Variants in SESN1 observed in about 807,000 individuals in gnomAD.
SESN1 encodes the protein sestrin-1.
SESN1 carries 30 observed loss-of-function variants against 59.3 expected under a neutral mutation model. That is an observed-to-expected ratio of 0.51 (90% CI 0.38 to 0.69). SESN1 has a LOEUF of 0.69. Among genes scored for constraint, SESN1 ranks in the 30% least tolerant of loss-of-function variants. The pLI, the probability that SESN1 is intolerant of heterozygous loss-of-function variation, is 0.00. For synonymous variants in SESN1, 197 were observed against 219.9 expected (o/e 0.90, Z 0.92); for missense variants, 566 against 673.0 (o/e 0.84, Z 1.76).
In SESN1 at chr6:109,001,370, T is replaced by G; in HGVS notation, c.464A>C (p.Glu155Ala). ...LVMVFHPQYL[E>A]SFLKTQHYLL... ...ATAGTGCTGAGTTTTTAAGAAACTT[T>G]CTAAATATTGTGGGTGGAAAACCAT... Residue 155 changes from glutamate (E) to alanine (A), a missense_variant, in exon 3 of 10, where the codon GAA becomes GCA. Coordinates refer to ENST00000436639, the MANE Select transcript of SESN1 (RefSeq NM_014454.3). The G allele has an allele frequency of 6.2e-7, 1 of 1,613,894 alleles. No homozygotes were observed. The highest frequency in any genetic ancestry group is 1.3e-5 in the African/African-American group (1 of 75,044).
intron 1 of SESN1, among the ~76,000 whole-genome samples, chr6:109,013,910 C>G (rs978289423): frequency 1.3e-5 from 2 of 152,150 alleles, no homozygotes; most frequent in Non-Finnish European, 2.9e-5. Flanking sequence ...CATAGCTTGT[C>G]TGCTAAGCAC....
At chr6:109,065,658 G>C (rs1780812808) in intron 1 of SESN1, among the ~76,000 whole-genome samples, 1 of 151,960 alleles carries the variant, frequency 6.6e-6, no homozygotes, top group Admixed American at 6.6e-5. Context: ...CAAAAAATAA[G>C]ATAAATGTGT....
Position 108,988,579 on chromosome 6 carries a change from A to G in SESN1, c.1533T>C (p.Tyr511=), listed in dbSNP as rs766725881. The change falls in exon 9 of 10, where the codon TAT becomes TAC. Residue 511 remains tyrosine (Y), a synonymous_variant. Transcript: ENST00000436639. ...CTPEKVTKRM[Y]DSFWRQFKHS... is the part of the protein sequence containing the mutation. ...GCTTGAACTGCCTCCAGAAGCTATC[A>G]TACATTCTTTTGGTAACCTTTTCAG... 13 of 1,613,146 alleles carry G rather than the reference A, an allele frequency of 8.1e-6. No individual in the cohort carries two copies. The highest frequency in any genetic ancestry group is 1.1e-5 in the South Asian group (1 of 90,814).
chr6:109,018,185 T>C (rs1216530278), intron 1 of SESN1, among the ~76,000 whole-genome samples: 1 of 152,214 alleles, frequency 6.6e-6, no homozygotes, highest in African/African-American at 2.4e-5. Context: ...TTAGAGATAT[T>C]ATAAAATATT....
chr6:109,045,750 T>C (rs78930812), intron 1 of SESN1, among the ~76,000 whole-genome samples: 4,814 of 152,274 alleles, frequency 0.032, 251 homozygotes, highest in African/African-American at 0.11. Context: ...TGGCACTTAC[T>C]AGTATATACC....
Position 109,000,667 on chromosome 6 carries a change from C to A in SESN1, c.553G>T (p.Ala185Ser). 1 of 1,576,892 alleles carries A rather than the reference C, an allele frequency of 6.3e-7. No homozygotes were observed. Among genetic ancestry groups the A allele is most frequent in the Non-Finnish European group, 8.6e-7 (1 of 1,162,026 alleles). Reference sequence around the variant, plus strand: ...ACTAAGTAGGAGCACTGATGTCTTGCCGCAGCCTTAAAACAAAAAGATTAT... The same window carrying A: ...ACTAAGTAGGAGCACTGATGTCTTGACGCAGCCTTAAAACAAAAAGATTAT... Reference protein sequence around the residue: ...YRHYIGIMAAARHQCSYLVNL... With the variant: ...YRHYIGIMAASRHQCSYLVNL... The change falls in exon 4 of 10, where the codon GCA becomes TCA. Residue 185 changes from alanine (A) to serine (S), a missense_variant. By Grantham distance (99) the Ala-to-Ser change is moderately conservative (BLOSUM62 1). Coordinates refer to ENST00000436639, the MANE Select transcript of SESN1 (RefSeq NM_014454.3).
At chr6:109,029,073 A>G (rs1780142041) in intron 1 of SESN1, among the ~76,000 whole-genome samples, 1 of 152,222 alleles carries the variant, frequency 6.6e-6, no homozygotes. Context: ...AGATGGTTTT[A>G]GGATACTTTT....
intron 1 of SESN1, chr6:109,008,666 T>C (rs1288759446): frequency 2.5e-5 from 13 of 517,272 alleles, no homozygotes; most frequent in South Asian, 8.3e-5. Context: ...GTTCGAGTTT[T>C]ACCTAAGGTT....
chr6:108,988,528 A>C lies in SESN1; in HGVS notation c.1569+15T>G. On this transcript the variant is annotated intron_variant, in intron 9 of 9. Transcript: ENST00000436639. ...TGCTAAGTTACAAAGTAAATAAGCC[A>C]CAATAGGCACATACCTTCTCAGAGT... 1 of 1,591,882 alleles carries C rather than the reference A, an allele frequency of 6.3e-7. No homozygotes were observed. The highest frequency in any genetic ancestry group is 1.2e-5 in the South Asian group (1 of 86,638).
intron 1 of SESN1, among the ~76,000 whole-genome samples, chr6:109,082,608 C>T (rs1781143955): frequency 6.6e-6 from 1 of 152,178 alleles, no homozygotes; most frequent in Non-Finnish European, 1.5e-5. Context: ...GCAACCTCTC[C>T]CTGCTGGTGC....
chr6:109,043,685 G>A (rs1780377309), intron 1 of SESN1, among the ~76,000 whole-genome samples: 1 of 152,072 alleles, frequency 6.6e-6, no homozygotes, highest in Admixed American at 6.5e-5. Context: ...ACAAAACTCT[G>A]ATCAAAGAAA....
At chr6:109,020,462 G>A (rs898678450) in intron 1 of SESN1, among the ~76,000 whole-genome samples, 1 of 152,142 alleles carries the variant, frequency 6.6e-6, no homozygotes, top group Non-Finnish European at 1.5e-5. Context: ...GAAATATCCA[G>A]TGAAATGCTA....
chr6:109,025,416 T>C (rs1161568883), intron 1 of SESN1, among the ~76,000 whole-genome samples: 1 of 151,338 alleles, frequency 6.6e-6, no homozygotes, highest in Admixed American at 6.6e-5. Flanking sequence ...ACAATTCCAA[T>C]GAATATAAGC....
In SESN1 at chr6:109,054,067, G is replaced by A. The variant is rs565227060; in HGVS notation, c.279+39728C>T. The stretch of plus-strand genomic sequence containing the variant: ...TATTGTTGGCAAGACATTTCTTTTC[G>A]TTTTTTCTTAATTTTTTGGGGGGGG... On this transcript the variant is annotated intron_variant, in intron 1 of 9. Transcript: ENST00000436639. Among the ~76,000 whole-genome samples, 16 of 150,310 alleles carry A rather than the reference G, an allele frequency of 1.1e-4. No homozygotes were observed. The South Asian group carries it at 1.9e-3, about 18-fold the overall frequency.
chr6:108,992,694 T>C (rs979654393), intron 7 of SESN1, 93 bp downstream of exon 7: 5 of 792,122 alleles, frequency 6.3e-6, no homozygotes, highest in Non-Finnish European at 1.1e-5. Flanking sequence ...GCAAAGCACT[T>C]AGCATAGTTC....
intron 6 of SESN1, among the ~76,000 whole-genome samples, chr6:108,994,092 A>G (rs1779449433): frequency 6.7e-6 from 1 of 150,224 alleles, no homozygotes. Context: ...GTGAGCTACA[A>G]TCACGCCACT....
chr6:109,045,418 C>G (rs934490227), intron 1 of SESN1, among the ~76,000 whole-genome samples: 1 of 152,072 alleles, frequency 6.6e-6, no homozygotes, highest in Non-Finnish European at 1.5e-5. Flanking sequence ...ATAGGTTCCC[C>G]CTAACTTTCA....
intron 1 of SESN1, among the ~76,000 whole-genome samples, chr6:109,062,008 C>A (rs1464570971): frequency 6.6e-6 from 1 of 152,050 alleles, no homozygotes; most frequent in East Asian, 1.9e-4. Flanking sequence ...GAGAATGGAT[C>A]AAGTTAGGGA....
chr6:109,038,606 C>T (rs1394652523), intron 1 of SESN1, among the ~76,000 whole-genome samples: 1 of 152,228 alleles, frequency 6.6e-6, no homozygotes, highest in Non-Finnish European at 1.5e-5. Flanking sequence ...GGGAATACAA[C>T]ACATTTCTGT....
Sources: gnomAD v4.1 joint callset for allele counts (sites outside exome capture counted in the v4.1 genomes callset) on GRCh38, gnomAD v4.1.1 for gene constraint, MANE v1.5 for transcripts, NCBI Gene and HGNC (gene_info 2026-07-23, HGNC 2026-07-21) for gene names.